The following MDGA2 variants were observed in gnomAD, a reference collection of about 807,000 sequenced individuals.
The protein encoded by MDGA2 is MAM domain-containing glycosylphosphatidylinositol anchor protein 2.
In MDGA2, 40 loss-of-function variants were observed where a neutral mutation model predicts 117.8. The ratio of observed to expected loss-of-function variants is 0.34; its 90% CI spans 0.26 to 0.44. MDGA2 has a LOEUF of 0.44. Ranked by LOEUF, MDGA2 falls within the 20% of genes least tolerant of loss-of-function variation. MDGA2 has a pLI of 1.00. For missense variants in MDGA2, 1,123 were observed against 1,250.6 expected, an observed-to-expected ratio of 0.90 and a Z score of 1.54; for synonymous variants, 452 against 439.0, an observed-to-expected ratio of 1.03 and a Z score of -0.37.
chr14:47,208,279 C>G (rs1016119776), intron 3 of MDGA2, among the ~76,000 whole-genome samples: 2 of 151,984 alleles, frequency 1.3e-5, no homozygotes, highest in African/African-American at 4.8e-5. Context: ...TTCCTTGAAA[C>G]TGTTATAAAT....
intron 1 of MDGA2, among the ~76,000 whole-genome samples, chr14:47,646,637 T>C (rs1897540409): frequency 6.6e-6 from 1 of 152,216 alleles, no homozygotes; most frequent in South Asian, 2.1e-4. Flanking sequence ...CAGCTGAGAA[T>C]GCATATGAAA....
At chr14:46,928,777 T>C (rs923078152) in intron 9 of MDGA2, among the ~76,000 whole-genome samples, 9 of 152,184 alleles carry the variant, frequency 5.9e-5, no homozygotes, top group African/African-American at 1.9e-4. Context: ...AACTCTTTGT[T>C]CTATGATAAT....
intron 1 of MDGA2, among the ~76,000 whole-genome samples, chr14:47,423,227 G>C (rs1892615239): frequency 6.6e-6 from 1 of 151,938 alleles, no homozygotes; most frequent in Admixed American, 6.6e-5. Flanking sequence ...CTTCTTATTG[G>C]TCATAAAAAT....
intron 1 of MDGA2, among the ~76,000 whole-genome samples, chr14:47,341,871 C>T (rs954701760): frequency 7.2e-5 from 11 of 152,072 alleles, no homozygotes; most frequent in African/African-American, 2.4e-4. Context: ...CAGACTCTCG[C>T]TCTGTGGCCT....
intron 1 of MDGA2, among the ~76,000 whole-genome samples, chr14:47,563,578 G>GTT (rs56244321): frequency 3.5e-5 from 2 of 56,938 alleles, no homozygotes; most frequent in African/African-American, 9.5e-5. Flanking sequence ...GCTTTTTTCT[G>GTT]TTTTTTTTTT....
At chr14:46,987,662 T>A (rs1024714787) in intron 8 of MDGA2, among the ~76,000 whole-genome samples, 1 of 151,980 alleles carries the variant, frequency 6.6e-6, no homozygotes, top group Non-Finnish European at 1.5e-5. Context: ...TAAATATGCA[T>A]AAGACTAACA....
chr14:47,595,677 T>G (rs1896530086), intron 1 of MDGA2, among the ~76,000 whole-genome samples: 1 of 152,066 alleles, frequency 6.6e-6, no homozygotes, highest in African/African-American at 2.4e-5. Flanking sequence ...ATGAATTATA[T>G]TCTTTGAAGG....
intron 1 of MDGA2, among the ~76,000 whole-genome samples, chr14:47,314,841 T>C (rs532488288): frequency 1.7e-4 from 26 of 152,216 alleles, no homozygotes; most frequent in African/African-American, 6.3e-4. Flanking sequence ...GATTACAATA[T>C]GACCAATACA....
intron 8 of MDGA2, among the ~76,000 whole-genome samples, chr14:46,981,590 T>C (rs970152905): frequency 3.9e-5 from 6 of 152,068 alleles, no homozygotes; most frequent in African/African-American, 1.4e-4. Context: ...AATAGATAAG[T>C]TTAATAGTTT....
intron 1 of MDGA2, among the ~76,000 whole-genome samples, chr14:47,350,422 C>T (rs1890852699): frequency 6.6e-6 from 1 of 152,122 alleles, no homozygotes; most frequent in African/African-American, 2.4e-5. Flanking sequence ...GATTAGGACT[C>T]TAAGTGGGAG....
At chr14:47,601,640 C>G (rs550321828) in intron 1 of MDGA2, among the ~76,000 whole-genome samples, 16 of 152,138 alleles carry the variant, frequency 1.1e-4, no homozygotes, top group Admixed American at 3.3e-4. Context: ...AATAGCATGT[C>G]AGAGTTATAT....
intron 1 of MDGA2, among the ~76,000 whole-genome samples, chr14:47,666,324 A>AGGTT (rs1897961152): frequency 6.6e-6 from 1 of 152,034 alleles, no homozygotes; most frequent in Non-Finnish European, 1.5e-5. Flanking sequence ...AAATGCACCA[A>AGGTT]TCTGCGCTCT....
At chr14:47,019,251 A>G (rs1005236436) in intron 8 of MDGA2, among the ~76,000 whole-genome samples, 4 of 152,204 alleles carry the variant, frequency 2.6e-5, no homozygotes, top group Non-Finnish European at 5.9e-5. Flanking sequence ...TGTCTTGAGT[A>G]TAATGTAGGA....
intron 1 of MDGA2, among the ~76,000 whole-genome samples, chr14:47,530,428 C>T (rs897770301): frequency 2.6e-5 from 4 of 152,142 alleles, no homozygotes; most frequent in African/African-American, 9.7e-5. Flanking sequence ...TTTTAAGGCT[C>T]TGTTAGAAAT....
At chr14:46,880,569 G>A (rs373067656) in intron 11 of MDGA2, among the ~76,000 whole-genome samples, 10 of 151,692 alleles carry the variant, frequency 6.6e-5, no homozygotes, top group East Asian at 1.9e-4. Flanking sequence ...TTGGGAGGCC[G>A]AGGCAGGTGG....
intron 8 of MDGA2, among the ~76,000 whole-genome samples, chr14:47,018,733 GAAA>G (rs60442845): frequency 0.011 from 436 of 38,522 alleles, 3 homozygotes; most frequent in African/African-American, 0.037. Flanking sequence ...CCATTTTACT[GAAA>G]AAAAAAAAAA....
At chr14:47,391,816 C>T (rs2138439495) in intron 1 of MDGA2, among the ~76,000 whole-genome samples, 1 of 152,264 alleles carries the variant, frequency 6.6e-6, no homozygotes, top group Non-Finnish European at 1.5e-5. Flanking sequence ...CTTTGGTGAG[C>T]TTTGGTGTCT....
chr14:47,436,787 G>C (rs553931315), intron 1 of MDGA2, among the ~76,000 whole-genome samples: 2 of 152,102 alleles, frequency 1.3e-5, no homozygotes, highest in Non-Finnish European at 2.9e-5. Flanking sequence ...CAGTGGCCAC[G>C]GGTTGGACAA....
Position 46,928,317 on chromosome 14 carries a change from T to G in MDGA2, c.2090-8157A>C, listed in dbSNP as rs375887726. Among the ~76,000 whole-genome samples, 71 of 152,286 alleles carry G rather than the reference T, an allele frequency of 4.7e-4. 2 individuals carry two copies. In the South Asian group the frequency reaches 8.7e-3, roughly 19 times the overall value. On this transcript the variant is annotated intron_variant, in intron 9 of 16. Transcript: ENST00000399232. The stretch of plus-strand genomic sequence containing the variant: ...TAATAATATGTCTAAAGCATTTTTA[T>G]GATGAACATATACCAAGTGAAACTG...
Sources: allele counts gnomAD v4.1 joint callset (sites outside exome capture counted in the v4.1 genomes callset), GRCh38; gene constraint gnomAD v4.1.1; transcripts MANE v1.5; gene names NCBI Gene and HGNC (gene_info 2026-07-23, HGNC 2026-07-21).